Variants in PCDHGA2 observed in about 807,000 individuals in gnomAD.
PCDHGA2 encodes the protein protocadherin gamma-A2.
In PCDHGA2, 40 loss-of-function variants were observed where a neutral mutation model predicts 59.2. The ratio of observed to expected loss-of-function variants is 0.68; its 90% CI spans 0.52 to 0.88. The LOEUF (loss-of-function observed/expected upper bound fraction) is 0.88. Among genes scored for constraint, PCDHGA2 ranks in the 40% least tolerant of loss-of-function variants. The pLI is 0.00. For synonymous variants in PCDHGA2, 560 were observed against 526.0 expected (o/e 1.06, Z -0.89); for missense variants, 1,226 against 1,204.0 (o/e 1.02, Z -0.27).
chr5:141,387,752 GGAAAAAGAAGAATTTTTTCTT>G, intron 1 of PCDHGA2: 1 of 1,398,886 alleles, frequency 7.1e-7, no homozygotes, highest in Non-Finnish European at 9.5e-7. Context: ...CTTCCTCCTC[GGAAAAAGAAGAATTTTTTCTT>G]GAACTGGAAC....
chr5:141,389,274 C>A, intron 1 of PCDHGA2: 1 of 1,614,032 alleles, frequency 6.2e-7, no homozygotes, highest in Non-Finnish European at 8.5e-7. Flanking sequence ...CGAGAACAAC[C>A]CGCCTGGAGC....
intron 1 of PCDHGA2, chr5:141,421,591 G>T: frequency 6.2e-7 from 1 of 1,613,874 alleles, no homozygotes; most frequent in Non-Finnish European, 8.5e-7. Context: ...CGGAGTGGAG[G>T]TGGAAATAAT....
chr5:141,370,689 A>G (rs1275146563), intron 1 of PCDHGA2: 1 of 1,613,814 alleles, frequency 6.2e-7, no homozygotes, highest in East Asian at 2.2e-5. Context: ...TTGTGGCAAG[A>G]AGTCGACGTG....
chr5:141,353,757 AT>A (rs1189530295), intron 1 of PCDHGA2, among the ~76,000 whole-genome samples: 1 of 152,166 alleles, frequency 6.6e-6, no homozygotes, highest in Admixed American at 6.5e-5. Flanking sequence ...ACATGTTGAG[AT>A]TTTTTTAATG....
Position 141,486,142 on chromosome 5 carries a change from C to T in PCDHGA2, c.2425-8665C>T. 6.2e-7 allele frequency: 1 copy of T among 1,614,200 alleles called. No homozygotes were observed. The highest frequency in any genetic ancestry group is 1.3e-5 in the African/African-American group (1 of 75,052). ...ACTATGAATTTGATGTGCGGGCTCG[C>T]GATGGGGGTTCTCCAGCCATGGAGC... On this transcript the variant is annotated intron_variant, in intron 1 of 3. Coordinates refer to ENST00000394576, the MANE Select transcript of PCDHGA2 (RefSeq NM_018915.4). This position sits in a 1 kb window ranked among gnomAD's most constrained non-coding sequence, Gnocchi z 5.0.
At position 141,409,359 on chromosome 5, in the gene PCDHGA2, T is replaced by C. The variant is rs371907890; in HGVS notation, c.2424+67964T>C. ...GGAAATGGAGAAGTCAGGTGTAATA[T>C]AGAAACAGACATTCCATTCAAGATT... On this transcript the variant is annotated intron_variant, in intron 1 of 3. Coordinates refer to ENST00000394576, the MANE Select transcript of PCDHGA2 (RefSeq NM_018915.4). 6.8e-6 allele frequency: 11 copies of C among 1,614,026 alleles called. No individual in the cohort carries two copies. The highest frequency in any genetic ancestry group is 8.5e-6 in the Non-Finnish European group (10 of 1,179,908).
chr5:141,376,859 T>C, intron 1 of PCDHGA2: 1 of 231,414 alleles, frequency 4.3e-6, no homozygotes, highest in South Asian at 6.4e-5. Context: ...GCTAATTTTT[T>C]TGTATTTTTA....
intron 1 of PCDHGA2, chr5:141,478,247 G>A (rs1377698933): frequency 1.2e-6 from 2 of 1,614,074 alleles, no homozygotes; most frequent in Admixed American, 3.3e-5. Context: ...CACAGTGTTC[G>A]GAGTAATCAT....
rs891428609 is a variant in PCDHGA2, at chr5:141,503,553, C to T, written c.2484-1840C>T. Among the ~76,000 whole-genome samples the T allele has an allele frequency of 9.4e-5, 14 of 149,164 alleles. No homozygotes were observed. In the East Asian group the frequency reaches 2.2e-3, roughly 23 times the overall value. On this transcript the variant is annotated intron_variant, in intron 2 of 3. Coordinates refer to ENST00000394576, the MANE Select transcript of PCDHGA2 (RefSeq NM_018915.4). ...GGCAGAGGTTGCAGTGAGCCGAGAT[C>T]GCGCCACTGTACTCCAGCCTGGGTG...
intron 1 of PCDHGA2, among the ~76,000 whole-genome samples, chr5:141,471,145 G>T (rs569617031): frequency 3.4e-4 from 50 of 148,740 alleles, no homozygotes; most frequent in Non-Finnish European, 5.4e-4. Flanking sequence ...TGCCTCCTGG[G>T]TTCAAGTGAT....
chr5:141,496,377 G>A (rs1413938730), intron 2 of PCDHGA2, among the ~76,000 whole-genome samples: 1 of 152,114 alleles, frequency 6.6e-6, no homozygotes, highest in Non-Finnish European at 1.5e-5. Flanking sequence ...CAGGAGCTTG[G>A]GCCACCTTAC....
chr5:141,461,845 C>CA (rs2099025049), intron 1 of PCDHGA2, among the ~76,000 whole-genome samples: 1 of 151,000 alleles, frequency 6.6e-6, no homozygotes. Context: ...TTTTTTGAGA[C>CA]AGAGTTTTGC....
At chr5:141,452,742 G>C (rs779371001) in intron 1 of PCDHGA2, among the ~76,000 whole-genome samples, 7 of 152,010 alleles carry the variant, frequency 4.6e-5, no homozygotes, top group Non-Finnish European at 8.8e-5. Context: ...GGAAGAGAGA[G>C]AAGGAAGAAG....
chr5:141,360,853 C>T (rs1463247472), intron 1 of PCDHGA2: 9 of 1,613,874 alleles, frequency 5.6e-6, no homozygotes, highest in African/African-American at 1.3e-5. Flanking sequence ...CGATAACCCT[C>T]CAGTGTTCAG....
intron 1 of PCDHGA2, chr5:141,356,962 G>C: frequency 6.2e-7 from 1 of 1,614,224 alleles, no homozygotes; most frequent in Non-Finnish European, 8.5e-7. Context: ...CGGCTACCTG[G>C]TGACCAAAGT....
Position 141,476,682 on chromosome 5 carries a change from A to G in PCDHGA2, c.2425-18125A>G, listed in dbSNP as rs987205396. The G allele has an allele frequency of 6.2e-7, 1 of 1,614,072 alleles. No individual in the cohort carries two copies. Among genetic ancestry groups the G allele is most frequent in the African/African-American group, 1.3e-5 (1 of 74,934 alleles). ...GCGCTTCGCGTGCAGACGCGGGAGG[A>G]CAGCACCAAGTACGCGGAGCTGGTG... On this transcript the variant is annotated intron_variant, in intron 1 of 3. Coordinates refer to ENST00000394576, the MANE Select transcript of PCDHGA2 (RefSeq NM_018915.4). The surrounding 1 kb of genome is among the most constrained non-coding windows in gnomAD (Gnocchi z 7.6).
chr5:141,408,738 C>T, intron 1 of PCDHGA2: 2 of 1,609,632 alleles, frequency 1.2e-6, no homozygotes, highest in Non-Finnish European at 1.7e-6. Flanking sequence ...CCTTATTTTT[C>T]ATTAATGGTT....
intron 1 of PCDHGA2, chr5:141,403,947 A>C (rs1451597441): frequency 6.2e-7 from 1 of 1,613,886 alleles, no homozygotes; most frequent in Admixed American, 1.7e-5. Flanking sequence ...GGGTGGACAA[A>C]AGTGCTCATT....
At chr5:141,373,660 C>G (rs1045727807) in intron 1 of PCDHGA2, among the ~76,000 whole-genome samples, 15 of 152,296 alleles carry the variant, frequency 9.8e-5, no homozygotes, top group Admixed American at 3.3e-4. Context: ...GAGATATTTT[C>G]ATAAAAATGA....
Sources: gnomAD v4.1 joint callset for allele counts (sites outside exome capture counted in the v4.1 genomes callset) on GRCh38, gnomAD v4.1.1 for gene constraint, Gnocchi (gnomAD v3.1) non-coding constraint, MANE v1.5 for transcripts, NCBI Gene and HGNC (gene_info 2026-07-23, HGNC 2026-07-21) for gene names.